Variants in OCA2 observed in about 807,000 individuals in gnomAD.
OCA2 encodes P protein.
OCA2 carries 77 observed loss-of-function variants against 100.2 expected under a neutral mutation model. The ratio of observed to expected loss-of-function variants is 0.77; its 90% CI spans 0.64 to 0.93. OCA2 has a LOEUF of 0.93. OCA2 is among the 40% of genes least tolerant of loss of function. OCA2 has a pLI of 0.00. For missense variants in OCA2, 1,062 were observed against 1,089.1 expected (o/e 0.98, Z 0.35); for synonymous variants, 432 against 439.2 (o/e 0.98, Z 0.21).
At position 27,917,943 on chromosome 15, in the gene OCA2, T is replaced by G. The variant is rs537004491; in HGVS notation, c.2079+8184A>C. Among the ~76,000 whole-genome samples, 77 of 152,276 alleles carry G rather than the reference T, an allele frequency of 5.1e-4. 1 individual carries two copies. Among genetic ancestry groups the G allele is most frequent in the African/African-American group, 1.7e-3 (72 of 41,546 alleles). The stretch of plus-strand genomic sequence containing the variant: ...GAACTGGCTTCCTTAAGGTTACACC[T>G]CATGAAGATTCCATTGTTCCTCAAC... On this transcript the variant is annotated intron_variant, in intron 19 of 23. Transcript: ENST00000354638.
Position 28,081,952 on chromosome 15 carries a change from G to C in OCA2, c.-21-57C>G, listed in dbSNP as rs2044647233. The C allele has an allele frequency of 5.7e-6, 8 of 1,395,726 alleles. No homozygotes were observed. The South Asian group carries it at 9.8e-5, about 17-fold the overall frequency. 86.5% of individuals were successfully genotyped at this position (1,395,726 alleles called of 1,614,324 possible). A position where few individuals can be genotyped will look rare whatever the true frequency, so the allele number is the denominator to read the frequency against. On this transcript the variant is annotated intron_variant, in intron 1 of 23. Transcript: ENST00000354638. ...GAAAGGCACACTGAGACTAACGTTTGCACCTTGGGAGTCCGTACAATAGGA... is the reference window on the plus strand; with the variant it reads ...GAAAGGCACACTGAGACTAACGTTTCCACCTTGGGAGTCCGTACAATAGGA...
intron 21 of OCA2, among the ~76,000 whole-genome samples, chr15:27,870,283 T>A (rs1182446885): frequency 6.6e-6 from 1 of 152,254 alleles, no homozygotes. Flanking sequence ...TCCCCTGTCC[T>A]GTGTCCTGCC....
At chr15:27,997,159 A>AAAGG (rs777571567) in intron 9 of OCA2, among the ~76,000 whole-genome samples, 6 of 147,798 alleles carry the variant, frequency 4.1e-5, no homozygotes, top group African/African-American at 1.3e-4. Context: ...AGAAAGAAAG[A>AAAGG]AAGGAAGGAA....
At chr15:27,850,331 G>T (rs151318091) in intron 22 of OCA2, among the ~76,000 whole-genome samples, 5 of 152,174 alleles carry the variant, frequency 3.3e-5, no homozygotes, top group South Asian at 4.1e-4. Context: ...TCGACAGCAG[G>T]GGGGTGAATT....
intron 1 of OCA2, among the ~76,000 whole-genome samples, chr15:28,090,534 A>G (rs1418359262): frequency 6.6e-6 from 1 of 152,216 alleles, no homozygotes; most frequent in Non-Finnish European, 1.5e-5. Context: ...AGAAATAAGT[A>G]ACAAAAAGAG....
intron 21 of OCA2, among the ~76,000 whole-genome samples, chr15:27,870,746 AGGGAGGG>A: frequency 8.4e-6 from 1 of 119,390 alleles, no homozygotes; most frequent in Admixed American, 8.7e-5. Context: ...GGAGGGAGGG[AGGGAGGG>A]AAGGAAAGAC....
At chr15:27,765,955 T>C (rs1270864806) in intron 23 of OCA2, among the ~76,000 whole-genome samples, 1 of 152,168 alleles carries the variant, frequency 6.6e-6, no homozygotes, top group Non-Finnish European at 1.5e-5. Context: ...TCCCGTGAAT[T>C]AGAATGCCTA....
At chr15:28,051,535 G>A (rs1006669464) in intron 2 of OCA2, among the ~76,000 whole-genome samples, 11 of 147,092 alleles carry the variant, frequency 7.5e-5, no homozygotes, top group Admixed American at 2.1e-4. Flanking sequence ...CAGGTGATCC[G>A]CCCGCCTCAG....
intron 2 of OCA2, among the ~76,000 whole-genome samples, chr15:28,075,994 C>T (rs1291316471): frequency 6.6e-6 from 1 of 152,190 alleles, no homozygotes; most frequent in Non-Finnish European, 1.5e-5. Context: ...ATCTACTCAC[C>T]ATTTCTGGTG....
At chr15:27,775,320 A>G (rs2032148236) in intron 23 of OCA2, among the ~76,000 whole-genome samples, 1 of 152,024 alleles carries the variant, frequency 6.6e-6, no homozygotes, top group South Asian at 2.1e-4. Flanking sequence ...CTTCCCCTCT[A>G]ACTGCAGGGG....
At chr15:27,729,427 A>G in the OCA2 span, among the ~76,000 whole-genome samples, 1 of 151,864 alleles carries the variant, frequency 6.6e-6, no homozygotes, top group South Asian at 2.1e-4. Flanking sequence ...ATTACAGCAA[A>G]TCTCACTTCC....
At chr15:27,876,907 G>A (rs954024273) in intron 19 of OCA2, among the ~76,000 whole-genome samples, 1 of 151,428 alleles carries the variant, frequency 6.6e-6, no homozygotes, top group East Asian at 1.9e-4. Flanking sequence ...CTGATCTTAT[G>A]GTTATTAGTT....
intron 23 of OCA2, among the ~76,000 whole-genome samples, chr15:27,842,618 G>C (rs1007301383): frequency 2.6e-5 from 4 of 152,190 alleles, no homozygotes; most frequent in Non-Finnish European, 4.4e-5. Context: ...GATGGTCAGA[G>C]CTGGAAGAAC....
intron 23 of OCA2, among the ~76,000 whole-genome samples, chr15:27,776,250 C>T (rs759201436): frequency 1.7e-4 from 26 of 152,320 alleles, no homozygotes; most frequent in African/African-American, 5.1e-4. Flanking sequence ...TGGCAGTGGC[C>T]TCATCTGCCT....
chr15:27,738,357 C>T, the OCA2 span, among the ~76,000 whole-genome samples: 3 of 152,324 alleles, frequency 2.0e-5, no homozygotes, highest in Non-Finnish European at 2.9e-5. Flanking sequence ...CGTGCCAAGA[C>T]CACCGATGAG....
intron 9 of OCA2, 133 bp downstream of exon 9, chr15:28,014,643 A>C: frequency 1.0e-6 from 1 of 979,586 alleles, no homozygotes; most frequent in Non-Finnish European, 1.5e-6. Flanking sequence ...GGGACACGCT[A>C]ATCTTTAGGA....
At chr15:28,055,601 T>C (rs1317295730) in intron 2 of OCA2, among the ~76,000 whole-genome samples, 1 of 152,188 alleles carries the variant, frequency 6.6e-6, no homozygotes, top group Non-Finnish European at 1.5e-5. Flanking sequence ...GAAAGCTATG[T>C]GTGGAATGCT....
intron 2 of OCA2, among the ~76,000 whole-genome samples, chr15:28,046,766 A>G (rs950110693): frequency 5.3e-5 from 8 of 152,240 alleles, no homozygotes; most frequent in Admixed American, 1.3e-4. Context: ...CAAGCAAGAA[A>G]TGAACCGATA....
chr15:27,893,108 G>A (rs2037533432), intron 19 of OCA2, among the ~76,000 whole-genome samples: 1 of 152,176 alleles, frequency 6.6e-6, no homozygotes, highest in African/African-American at 2.4e-5. Flanking sequence ...TGGTTTTATT[G>A]CAGGAAGTCA....
Sources: allele counts gnomAD v4.1 joint callset (sites outside exome capture counted in the v4.1 genomes callset), GRCh38; gene constraint gnomAD v4.1.1; transcripts MANE v1.5; gene names NCBI Gene and HGNC (gene_info 2026-07-23, HGNC 2026-07-21).